The following NUDCD3 variants were observed in gnomAD, a reference collection of about 807,000 sequenced individuals.
NUDCD3 encodes the protein nudC domain-containing protein 3.
NUDCD3 carries 13 observed loss-of-function variants against 39.7 expected under a neutral mutation model. The ratio of observed to expected loss-of-function variants is 0.33; its 90% confidence interval spans 0.21 to 0.52. NUDCD3 has a LOEUF of 0.52. Among genes scored for constraint, NUDCD3 ranks in the 20% least tolerant of loss-of-function variants. The pLI is 0.96. For missense variants in NUDCD3, 453 were observed against 458.1 expected (o/e 0.99, Z 0.10); for synonymous variants, 175 against 172.4 (o/e 1.02, Z -0.12).
intron 2 of NUDCD3, among the ~76,000 whole-genome samples, chr7:44,440,884 G>A (rs924667132): frequency 2.0e-5 from 3 of 152,160 alleles, no homozygotes; most frequent in Non-Finnish European, 4.4e-5. Context: ...GAGGCTATTA[G>A]TAATACCTGA....
rs559680132 is a variant in NUDCD3, at chr7:44,434,144, G to A, written c.510-6441C>T. 5.3e-5 allele frequency among the ~76,000 whole-genome samples: 8 copies of A among 152,148 alleles called. No individual in the cohort carries two copies. The South Asian group carries it at 1.7e-3, about 32-fold the overall frequency. The stretch of plus-strand genomic sequence containing the variant: ...TGCCAGGCCCACTTCCTACTTCTCG[G>A]TTTTATCTTCCTAGGAGTGTTCACT... On this transcript the variant is annotated intron_variant, in intron 2 of 5. Coordinates refer to ENST00000355451, the MANE Select transcript of NUDCD3 (RefSeq NM_015332.4).
chr7:44,475,285 T>A (rs1473883109), intron 2 of NUDCD3, among the ~76,000 whole-genome samples: 3 of 152,046 alleles, frequency 2.0e-5, no homozygotes, highest in South Asian at 2.1e-4. Flanking sequence ...CTAATTTTTG[T>A]ATTTTTAGTA....
At chr7:44,457,494 T>C (rs1218220956) in intron 2 of NUDCD3, among the ~76,000 whole-genome samples, 1 of 152,212 alleles carries the variant, frequency 6.6e-6, no homozygotes, top group Non-Finnish European at 1.5e-5. Flanking sequence ...TACAAAAATC[T>C]ATTGTATTCC....
intron 2 of NUDCD3, among the ~76,000 whole-genome samples, chr7:44,450,179 A>ATTT (rs374708841): frequency 1.4e-5 from 2 of 144,334 alleles, no homozygotes; most frequent in Non-Finnish European, 1.5e-5. Context: ...AGAATGTCTA[A>ATTT]TTTTTTTTTT....
At chr7:44,418,137 A>G (rs1160317243) in intron 3 of NUDCD3, among the ~76,000 whole-genome samples, 1 of 152,136 alleles carries the variant, frequency 6.6e-6, no homozygotes, top group African/African-American at 2.4e-5. Flanking sequence ...GTGGTCATGG[A>G]GTCGGAAGGC....
chr7:44,390,864 A>T lies in NUDCD3; in HGVS notation c.975+1433T>A, dbSNP rs61391558. ...ATAACCAGGCAGGTCTGGCTGTCTAAGCACCTGAGCTGAGCTCAGCTGAGC... is the reference window on the plus strand; with the variant it reads ...ATAACCAGGCAGGTCTGGCTGTCTATGCACCTGAGCTGAGCTCAGCTGAGC... On this transcript the variant is annotated intron_variant, in intron 5 of 5. Transcript: ENST00000355451. Among the ~76,000 whole-genome samples the T allele has an allele frequency of 1.8e-3, 275 of 152,324 alleles. 2 individuals carry two copies. In the East Asian group the frequency reaches 0.045, roughly 25 times the overall value.
chr7:44,466,325 T>G (rs1040021462), intron 2 of NUDCD3, among the ~76,000 whole-genome samples: 1 of 152,226 alleles, frequency 6.6e-6, no homozygotes, highest in African/African-American at 2.4e-5. Context: ...CCATATGCCC[T>G]GAACACTTCT....
At chr7:44,474,740 T>C (rs1399116334) in intron 2 of NUDCD3, among the ~76,000 whole-genome samples, 2 of 152,236 alleles carry the variant, frequency 1.3e-5, no homozygotes, top group African/African-American at 4.8e-5. Flanking sequence ...GCAATGTTTC[T>C]TGTGAGAATT....
rs980087870 is a variant in NUDCD3, at chr7:44,490,390, G to A, written c.192+19C>T. Reference sequence around the variant, plus strand: ...GCCGGGGGCGGCGGCTCCCCAGACCGCAGGCCCGCCCGCCTCACCTGCAGC... The same window carrying A: ...GCCGGGGGCGGCGGCTCCCCAGACCACAGGCCCGCCCGCCTCACCTGCAGC... On this transcript the variant is annotated intron_variant, in intron 1 of 5. Transcript: ENST00000355451. 3.9e-6 allele frequency: 6 copies of A among 1,526,540 alleles called. No homozygotes were observed. The highest frequency in any genetic ancestry group is 5.3e-6 in the Non-Finnish European group (6 of 1,138,958). 94.6% of individuals were successfully genotyped at this position (1,526,540 alleles called of 1,614,324 possible).
chr7:44,464,027 A>G (rs983812921), intron 2 of NUDCD3, among the ~76,000 whole-genome samples: 1 of 151,950 alleles, frequency 6.6e-6, no homozygotes, highest in Non-Finnish European at 1.5e-5. Flanking sequence ...CAGCCTGACC[A>G]ATATGGTGAA....
In NUDCD3 at chr7:44,384,088, G is replaced by A. The variant is rs1733571654; in HGVS notation, c.*1923C>T. ...AACAAACACTAGTCACCATGGAAGT[G>A]AATGACTCTCAAAGTCTCCCAAATA... On this transcript the variant is annotated 3_prime_UTR_variant, in exon 6 of 6. Transcript: ENST00000355451. 6.6e-6 allele frequency: 1 copy of A among 152,242 alleles called. No individual in the cohort carries two copies. The highest frequency in any genetic ancestry group is 1.5e-5 in the Non-Finnish European group (1 of 68,042). The allele number at this position is 152,242 out of a possible 1,614,324, so 9.4% of individuals were successfully genotyped here. A position where few individuals can be genotyped will look rare whatever the true frequency, so the allele number is the denominator to read the frequency against.
At chr7:44,463,348 A>G (rs1387912999) in intron 2 of NUDCD3, among the ~76,000 whole-genome samples, 1 of 152,212 alleles carries the variant, frequency 6.6e-6, no homozygotes, top group Non-Finnish European at 1.5e-5. Flanking sequence ...TGACACCCAC[A>G]GAGGGCACGG....
intron 3 of NUDCD3, among the ~76,000 whole-genome samples, chr7:44,423,377 G>A (rs116986221): frequency 4.6e-5 from 7 of 152,094 alleles, no homozygotes; most frequent in Non-Finnish European, 8.8e-5. Flanking sequence ...TGACATGATC[G>A]TACATTTAGA....
intron 5 of NUDCD3, among the ~76,000 whole-genome samples, chr7:44,390,017 C>A (rs376875535): frequency 6.6e-6 from 1 of 152,148 alleles, no homozygotes; most frequent in East Asian, 1.9e-4. Context: ...TGAGGGCTCA[C>A]AGATAAAAAC....
chr7:44,402,647 G>A (rs1232992436), intron 4 of NUDCD3: 1 of 456,480 alleles, frequency 2.2e-6, no homozygotes, highest in Non-Finnish European at 4.4e-6. Context: ...CTCACCAAGA[G>A]CTCCTCGCTC....
At chr7:44,397,849 G>A (rs567047935) in intron 4 of NUDCD3, among the ~76,000 whole-genome samples, 6 of 152,072 alleles carry the variant, frequency 3.9e-5, no homozygotes, top group Middle Eastern at 3.4e-3. Flanking sequence ...GATGATTTAC[G>A]GAACAGGGTC....
chr7:44,460,239 A>C (rs1239828181), intron 2 of NUDCD3, among the ~76,000 whole-genome samples: 1 of 152,250 alleles, frequency 6.6e-6, no homozygotes, highest in African/African-American at 2.4e-5. Flanking sequence ...ATCAATGAGT[A>C]AGTGGAGTTA....
At chr7:44,452,862 CTCCTTTGCTATTATGCTTTAAAAG>C (rs1327102802) in intron 2 of NUDCD3, among the ~76,000 whole-genome samples, 2 of 152,192 alleles carry the variant, frequency 1.3e-5, no homozygotes, top group Non-Finnish European at 2.9e-5. Context: ...TAAACTGTAG[CTCCTTTGCTATTATGCTTTAAAAG>C]TCCTTTGCAC....
intron 2 of NUDCD3, among the ~76,000 whole-genome samples, chr7:44,448,513 T>G (rs758359967): frequency 5.3e-5 from 8 of 152,250 alleles, no homozygotes; most frequent in Non-Finnish European, 1.0e-4. Flanking sequence ...TTGCTGGCAC[T>G]GACAGAAGCT....
Sources: allele counts gnomAD v4.1 joint callset (sites outside exome capture counted in the v4.1 genomes callset), GRCh38; gene constraint gnomAD v4.1.1; transcripts MANE v1.5; gene names NCBI Gene and HGNC (gene_info 2026-07-23, HGNC 2026-07-21).